The following ABCG8 variants were observed in gnomAD, a reference collection of about 807,000 sequenced individuals.
The protein encoded by ABCG8 is ATP-binding cassette sub-family G member 8.
In ABCG8, 81 loss-of-function variants were observed where a neutral mutation model predicts 71.3. The ratio of observed to expected loss-of-function variants is 1.14; its 90% CI spans 0.95 to 1.37. ABCG8 has a LOEUF of 1.37. Ranked by LOEUF, ABCG8 falls within the 40% of genes most tolerant of loss-of-function variation. ABCG8 has a pLI of 0.00. For synonymous variants in ABCG8, 451 were observed against 354.7 expected (o/e 1.27, Z -3.05); for missense variants, 1,119 against 866.2 (o/e 1.29, Z -3.66).
intron 6 of ABCG8, among the ~76,000 whole-genome samples, chr2:43,871,472 C>G (rs1035007883): frequency 6.6e-6 from 1 of 152,144 alleles, no homozygotes; most frequent in African/African-American, 2.4e-5. Flanking sequence ...CTCTCGCTAT[C>G]TGGATAGAAT....
At position 43,845,121 on chromosome 2, in the gene ABCG8, A is replaced by ATT. The variant is rs58336297; in HGVS notation, c.165+522_165+523dup. On this transcript the variant is annotated intron_variant, in intron 2 of 12. Transcript: ENST00000272286. Reference sequence around the variant, plus strand: ...GTGTATATATATATATATATATATAATTTTTTTTTTGTAAAATGTACTATC... The same window carrying ATT: ...GTGTATATATATATATATATATATAATTTTTTTTTTTTGTAAAATGTACTATC... Among the ~76,000 whole-genome samples the ATT allele has an allele frequency of 8.8e-4, 117 of 133,116 alleles. 1 individual carries two copies. Among genetic ancestry groups the ATT allele is most frequent in the Non-Finnish European group, 1.6e-3 (102 of 62,652 alleles). The allele number at this position is 133,116 out of a possible 152,430, so 87.3% of individuals were successfully genotyped here. A position where few individuals can be genotyped will look rare whatever the true frequency, so the allele number is the denominator to read the frequency against.
At chr2:43,848,160 CT>C (rs1223931021) in intron 3 of ABCG8, 1 of 152,154 alleles carries the variant, frequency 6.6e-6, no homozygotes, top group Non-Finnish European at 1.5e-5. Flanking sequence ...CAACAAACAA[CT>C]TTAGACAAAT....
In ABCG8 at chr2:43,882,463, T is replaced by C. The variant is rs1169926980; in HGVS notation, c.*4550T>C. On this transcript the variant is annotated 3_prime_UTR_variant, in exon 13 of 13. Transcript: ENST00000272286. ...TGAGGAAGCGTGCAAGGAACTGGAA[T>C]GCGGGGAAAGTGATGAAATATTTTG... 1.3e-5 allele frequency: 2 copies of C among 152,212 alleles called. No individual in the cohort carries two copies. The highest frequency in any genetic ancestry group is 4.8e-5 in the African/African-American group (2 of 41,446). The allele number at this position is 152,212 out of a possible 1,614,324, so 9.4% of individuals were successfully genotyped here.
intron 8 of ABCG8, 21 bp from the exon 9 acceptor site, chr2:43,873,766 C>G: frequency 1.2e-6 from 2 of 1,613,638 alleles, no homozygotes; most frequent in Non-Finnish European, 1.7e-6. Flanking sequence ...GCCTCAGCAT[C>G]TCTTCCTTTT....
intron 6 of ABCG8, among the ~76,000 whole-genome samples, chr2:43,867,428 T>A (rs2104939461): frequency 6.6e-6 from 1 of 151,930 alleles, no homozygotes; most frequent in Non-Finnish European, 1.5e-5. Context: ...GAACTCTCAC[T>A]CTCTATCTGG....
intron 6 of ABCG8, among the ~76,000 whole-genome samples, chr2:43,866,457 G>T (rs1405185657): frequency 2.0e-5 from 3 of 151,960 alleles, no homozygotes; most frequent in Admixed American, 6.6e-5. Flanking sequence ...CTGACAAAGG[G>T]CTAATATCCA....
intron 6 of ABCG8, among the ~76,000 whole-genome samples, chr2:43,853,875 C>A (rs111699349): frequency 1.3e-5 from 2 of 152,170 alleles, no homozygotes; most frequent in Non-Finnish European, 2.9e-5. Context: ...TCTCCACCAT[C>A]CTTCCCCCAG....
At chr2:43,849,223 A>G (rs1017098393) in intron 3 of ABCG8, among the ~76,000 whole-genome samples, 1 of 152,084 alleles carries the variant, frequency 6.6e-6, no homozygotes, top group Admixed American at 6.6e-5. Flanking sequence ...GTCCGTTTTC[A>G]CACTGCTCTA....
intron 6 of ABCG8, among the ~76,000 whole-genome samples, chr2:43,864,896 C>T (rs749157645): frequency 1.1e-4 from 15 of 139,022 alleles, no homozygotes; most frequent in Admixed American, 6.3e-4. Flanking sequence ...GGATACAACT[C>T]TCACTATCTG....
intron 6 of ABCG8, among the ~76,000 whole-genome samples, chr2:43,855,674 C>G (rs1669078549): frequency 6.6e-6 from 1 of 152,148 alleles, no homozygotes; most frequent in East Asian, 1.9e-4. Context: ...AGAACTCTCA[C>G]TGTCTGGATA....
intron 6 of ABCG8, 43 bp downstream of exon 6, chr2:43,852,911 C>T (rs750923321): frequency 1.2e-6 from 2 of 1,606,426 alleles, no homozygotes. Flanking sequence ...GCACACAGGG[C>T]CTCCCCGATG....
chr2:43,848,322 A>C (rs1032224332), intron 3 of ABCG8: 1 of 152,166 alleles, frequency 6.6e-6, no homozygotes, highest in Non-Finnish European at 1.5e-5. Context: ...GATTGGTTAC[A>C]GTTGGGTGTT....
chr2:43,872,959 C>T (rs1480304309), intron 8 of ABCG8, among the ~76,000 whole-genome samples: 1 of 150,926 alleles, frequency 6.6e-6, no homozygotes, highest in Non-Finnish European at 1.5e-5. Flanking sequence ...CTGATGTTTC[C>T]ATGCATACAC....
At chr2:43,842,383 T>C (rs1668607702) in intron 1 of ABCG8, among the ~76,000 whole-genome samples, 1 of 152,258 alleles carries the variant, frequency 6.6e-6, no homozygotes, top group East Asian at 1.9e-4. Context: ...ATGTGCACAG[T>C]GACAGCGGAG....
At position 43,874,357 on chromosome 2, in the gene ABCG8, G is replaced by A. The variant is rs752110121; in HGVS notation, c.1412-50G>A. ...AGAGAGTCTCCAAAACAGAAGCACTGTAGATTTATTCTACTTCTTCATTCT... is the reference window on the plus strand; with the variant it reads ...AGAGAGTCTCCAAAACAGAAGCACTATAGATTTATTCTACTTCTTCATTCT... On this transcript the variant is annotated intron_variant, in intron 9 of 12. Transcript: ENST00000272286. 38 of 1,380,870 alleles carry A rather than the reference G, an allele frequency of 2.8e-5. 1 individual carries two copies. The South Asian group carries it at 4.2e-4, about 15-fold the overall frequency. 85.5% of individuals were successfully genotyped at this position (1,380,870 alleles called of 1,614,324 possible). A position where few individuals can be genotyped will look rare whatever the true frequency, so the allele number is the denominator to read the frequency against.
chr2:43,859,740 G>C (rs1046842025), intron 6 of ABCG8, among the ~76,000 whole-genome samples: 1 of 151,068 alleles, frequency 6.6e-6, no homozygotes, highest in African/African-American at 2.4e-5. Flanking sequence ...TCACCCTCTG[G>C]ATAGCACTCT....
chr2:43,856,619 A>T (rs1006036762), intron 6 of ABCG8, among the ~76,000 whole-genome samples: 4 of 148,736 alleles, frequency 2.7e-5, no homozygotes, highest in African/African-American at 1.0e-4. Flanking sequence ...ATCTGAATAG[A>T]ACTCTCTATC....
At position 43,875,328 on chromosome 2, in the gene ABCG8, C is replaced by T; in HGVS notation, c.1671C>T (p.His557=). The T allele has an allele frequency of 6.2e-7, 1 of 1,614,200 alleles. No homozygotes were observed. Among genetic ancestry groups the T allele is most frequent in the Non-Finnish European group, 8.5e-7 (1 of 1,180,050 alleles). ...LAAAALLPTF[H]MASFFSNALY... is the part of the protein sequence containing the mutation. ...CCGCGGCCCTGCTCCCCACCTTCCA[C>T]ATGGCCTCCTTCTTCAGCAATGCCC... The change falls in exon 11 of 13, where the codon CAC becomes CAT. Residue 557 remains histidine, a synonymous_variant. Coordinates refer to ENST00000272286, the MANE Select transcript of ABCG8 (RefSeq NM_022437.3).
At chr2:43,876,281 C>T (rs1311139240) in intron 11 of ABCG8, among the ~76,000 whole-genome samples, 1 of 152,212 alleles carries the variant, frequency 6.6e-6, no homozygotes, top group African/African-American at 2.4e-5. Context: ...GCCCTTTTGC[C>T]TCTTGGTCTC....
Sources: allele counts gnomAD v4.1 joint callset (sites outside exome capture counted in the v4.1 genomes callset), GRCh38; gene constraint gnomAD v4.1.1; transcripts MANE v1.5; gene names NCBI Gene and HGNC (gene_info 2026-07-23, HGNC 2026-07-21).